The following CACNB3 variants were observed in gnomAD, a reference collection of about 807,000 sequenced individuals.
CACNB3 encodes voltage-dependent L-type calcium channel subunit beta-3.
CACNB3 carries 36 observed loss-of-function variants against 63.7 expected under a neutral mutation model. That is an observed-to-expected ratio of 0.57 (90% CI 0.43 to 0.75). The LOEUF is 0.75. Among genes scored for constraint, CACNB3 ranks in the 30% least tolerant of loss-of-function variants. CACNB3 has a pLI of 0.00. For missense variants in CACNB3, 493 were observed against 648.6 expected, an observed-to-expected ratio of 0.76 and a Z score of 2.61; for synonymous variants, 241 against 250.6, an observed-to-expected ratio of 0.96 and a Z score of 0.36.
At position 48,828,098 on chromosome 12, in the gene CACNB3, A is replaced by AC. The variant is rs565271457; in HGVS notation, c.*203dup. On this transcript the variant is annotated 3_prime_UTR_variant, in exon 13 of 13. Coordinates refer to ENST00000301050, the MANE Select transcript of CACNB3 (RefSeq NM_000725.4). Reference sequence around the variant, plus strand: ...GGACCCCCTCACCTCCTGGGCAGTGACCCCTACTAGGCTCCCATTCCAGGT... The same window carrying AC: ...GGACCCCCTCACCTCCTGGGCAGTGACCCCCTACTAGGCTCCCATTCCAGGT... 74 of 601,404 alleles carry AC rather than the reference A, an allele frequency of 1.2e-4. No individual in the cohort carries two copies. The highest frequency in any genetic ancestry group is 1.2e-3 in the African/African-American group (65 of 53,928). The allele number at this position is 601,404 out of a possible 1,614,324, so 37.3% of individuals were successfully genotyped here. A position where few individuals can be genotyped will look rare whatever the true frequency, so the allele number is the denominator to read the frequency against.
At position 48,824,303 on chromosome 12, in the gene CACNB3, G is replaced by C; in HGVS notation, c.337G>C (p.Gly113Arg). ...GATCGGGCGGCTAGTGAAAGAGGGC[G>C]GGGACATCGCCTTCATCCCCAGCCC... is the stretch of plus-strand genomic sequence containing the variant. ...WWIGRLVKEG[G>R]DIAFIPSPQR... The change falls in exon 4 of 13, where the codon GGG becomes CGG. Residue 113 changes from glycine (G) to arginine (R), a missense_variant. Gly to Arg is a moderately radical substitution (Grantham distance 125). Transcript: ENST00000301050. The C allele has an allele frequency of 6.2e-7, 1 of 1,613,260 alleles. No homozygotes were observed. The highest frequency in any genetic ancestry group is 8.5e-7 in the Non-Finnish European group (1 of 1,179,798).
At chr12:48,818,154 C>T (rs1427723807), upstream of CACNB3, among the ~76,000 whole-genome samples, 1 of 152,182 alleles carries the variant, frequency 6.6e-6, no homozygotes, top group South Asian at 2.1e-4. The surrounding 1 kb of genome is among the most constrained non-coding windows in gnomAD (Gnocchi z 4.3). Flanking sequence ...GCTTTCGGAG[C>T]CTCCGGGACG....
At chr12:48,824,210 G>A (rs372401583) in intron 3 of CACNB3, 48 bp from the exon 4 acceptor site, 9 of 1,475,288 alleles carry the variant, frequency 6.1e-6, no homozygotes, top group East Asian at 4.7e-5. Flanking sequence ...GCCAGGACTG[G>A]GGCGGGGCGC....
rs1207142762 is a variant in CACNB3 at position 48,823,373 on chromosome 12, A to G, written c.75A>G (p.Pro25=). ...AGSADSYTSR[P]SLDSDVSLEE... ...CAGCCGACTCCTACACCAGCCGCCCATCTCTGGACTCAGACGTCTCCCTGG... is the reference window on the plus strand; with the variant it reads ...CAGCCGACTCCTACACCAGCCGCCCGTCTCTGGACTCAGACGTCTCCCTGG... The change falls in exon 2 of 13, where the codon CCA becomes CCG. Residue 25 remains proline (P), a synonymous_variant. Coordinates refer to ENST00000301050, the MANE Select transcript of CACNB3 (RefSeq NM_000725.4). The surrounding 1 kb of genome is among the most constrained non-coding windows in gnomAD (Gnocchi z 4.2). The G allele has an allele frequency of 1.2e-6, 2 of 1,614,092 alleles. No homozygotes were observed. Among genetic ancestry groups the G allele is most frequent in the Non-Finnish European group, 8.5e-7 (1 of 1,179,974 alleles).
At chr12:48,820,013 G>A in intron 1 of CACNB3, 1 of 200,194 alleles carries the variant, frequency 5.0e-6, no homozygotes, top group Non-Finnish European at 1.0e-5. Context: ...GAGCACCCCT[G>A]GGTCGGAAAG....
At position 48,826,152 on chromosome 12, in the gene CACNB3, C is replaced by T. The variant is rs1592192274; in HGVS notation, c.743-215C>T. The T allele has an allele frequency of 1.7e-6, 1 of 593,934 alleles. No individual in the cohort carries two copies. Among genetic ancestry groups the T allele is most frequent in the Non-Finnish European group, 3.0e-6 (1 of 334,048 alleles). The allele number at this position is 593,934 out of a possible 1,614,324, so 36.8% of individuals were successfully genotyped here. A position where few individuals can be genotyped will look rare whatever the true frequency, so the allele number is the denominator to read the frequency against. On this transcript the variant is annotated intron_variant, in intron 9 of 12. Transcript: ENST00000301050. The surrounding 1 kb of genome is among the most constrained non-coding windows in gnomAD (Gnocchi z 4.8). ...CCCCTCTTCCCTTTTCTCTTCCTTA[C>T]CTCCTTGTCTTTCTGCCCAACTCCT...
chr12:48,825,375 G>A lies in CACNB3; in HGVS notation c.574-59G>A. 6.3e-7 allele frequency: 1 copy of A among 1,597,748 alleles called. No individual in the cohort carries two copies. The highest frequency in any genetic ancestry group is 8.6e-7 in the Non-Finnish European group (1 of 1,165,202). ...TGGAGCGCATTGACTCTGGGGCCATGCATGGGGAGGCTGCTTCTCTCCAAA... is the reference window on the plus strand; with the variant it reads ...TGGAGCGCATTGACTCTGGGGCCATACATGGGGAGGCTGCTTCTCTCCAAA... On this transcript the variant is annotated intron_variant, in intron 7 of 12. Transcript: ENST00000301050. The surrounding 1 kb of genome is among the most constrained non-coding windows in gnomAD (Gnocchi z 4.5).
At chr12:48,818,379 C>G, upstream of CACNB3, 3 of 898,586 alleles carry the variant, frequency 3.3e-6, no homozygotes, top group Non-Finnish European at 4.0e-6. This position sits in a 1 kb window ranked among gnomAD's most constrained non-coding sequence, Gnocchi z 4.3. Context: ...CCCTCCCCCG[C>G]CGCAGCCCTT....
At chr12:48,814,646 T>G, upstream of CACNB3, 2 of 1,296,776 alleles carry the variant, frequency 1.5e-6, no homozygotes, top group Non-Finnish European at 2.1e-6. The surrounding 1 kb of genome is among the most constrained non-coding windows in gnomAD (Gnocchi z 6.9). Flanking sequence ...GGTCTCCTAC[T>G]GGGGGTCTCG....
At position 48,824,254 on chromosome 12, in the gene CACNB3, C is replaced by G; in HGVS notation, c.292-4C>G. The G allele has an allele frequency of 6.2e-7, 1 of 1,609,752 alleles. No individual in the cohort carries two copies. Among genetic ancestry groups the G allele is most frequent in the South Asian group, 1.1e-5 (1 of 90,096 alleles). On this transcript the variant is annotated splice_polypyrimidine_tract_variant and splice_region_variant and intron_variant, in intron 3 of 12. Coordinates refer to ENST00000301050, the MANE Select transcript of CACNB3 (RefSeq NM_000725.4). ...CCACCCCTTCCTGCTCCACCTGCCCCCAGAAGTACAGCAATGACTGGTGGA... is the reference window on the plus strand; with the variant it reads ...CCACCCCTTCCTGCTCCACCTGCCCGCAGAAGTACAGCAATGACTGGTGGA...
rs1160717890 is a variant in CACNB3 at position 48,819,676 on chromosome 12, C to G, written c.45+702C>G. 4 of 455,754 alleles carry G rather than the reference C, an allele frequency of 8.8e-6. No individual in the cohort carries two copies. The East Asian group carries it at 2.8e-4, about 32-fold the overall frequency. 28.2% of individuals were successfully genotyped at this position (455,754 alleles called of 1,614,324 possible). ...TCCTCTGCAGCGGGCATCCTGAGCT[C>G]TTGCCCAGCATGGAGGGCCTGGAGG... is the stretch of plus-strand genomic sequence containing the variant. On this transcript the variant is annotated intron_variant, in intron 1 of 12. Coordinates refer to ENST00000301050, the MANE Select transcript of CACNB3 (RefSeq NM_000725.4).
intron 1 of CACNB3, among the ~76,000 whole-genome samples, chr12:48,822,987 G>C (rs1937932429): frequency 6.6e-6 from 1 of 152,202 alleles, no homozygotes; most frequent in Admixed American, 6.5e-5. Context: ...CCTGGATCCA[G>C]AATCATCTCT....
chr12:48,827,784 T>G lies in CACNB3; in HGVS notation c.1340T>G (p.Leu447Arg). Residue 447 changes from leucine to arginine, a missense_variant, in exon 13 of 13, where the codon CTG becomes CGG. By Grantham distance (102) the Leu-to-Arg change is moderately radical. Coordinates refer to ENST00000301050, the MANE Select transcript of CACNB3 (RefSeq NM_000725.4). Reference sequence around the variant, plus strand: ...CCTCACCGCCAACACACCTCGGGGCTGCCTAGTGCTAACGGGCATGACCCC... The same window carrying G: ...CCTCACCGCCAACACACCTCGGGGCGGCCTAGTGCTAACGGGCATGACCCC... ...YQPHRQHTSG[L>R]PSANGHDPQD... 6.2e-7 allele frequency: 1 copy of G among 1,614,168 alleles called. No homozygotes were observed. Among genetic ancestry groups the G allele is most frequent in the East Asian group, 2.2e-5 (1 of 44,880 alleles).
chr12:48,815,373 G>C, upstream of CACNB3: 1 of 447,190 alleles, frequency 2.2e-6, no homozygotes, highest in South Asian at 2.5e-5. Flanking sequence ...TGGAAGGACA[G>C]TGGGAGGCAC....
chr12:48,815,833 C>T, upstream of CACNB3: 1 of 798,986 alleles, frequency 1.3e-6, no homozygotes, highest in African/African-American at 1.7e-5. Context: ...GGGGAGACTG[C>T]ACCGATGGGG....
At position 48,828,681 on chromosome 12, in the gene CACNB3, G is replaced by T. The variant is rs1390123239; in HGVS notation, c.*782G>T. The stretch of plus-strand genomic sequence containing the variant: ...GCAGAGAACTTAGGGGGGCCTCCTT[G>T]CCTTTCTCATTCTTTTGCCCTGCAT... On this transcript the variant is annotated 3_prime_UTR_variant, in exon 13 of 13. Transcript: ENST00000301050. 6.6e-6 allele frequency: 3 copies of T among 456,368 alleles called. No homozygotes were observed. The highest frequency in any genetic ancestry group is 1.3e-5 in the Non-Finnish European group (3 of 226,792). The allele number at this position is 456,368 out of a possible 1,614,324, so 28.3% of individuals were successfully genotyped here. A position where few individuals can be genotyped will look rare whatever the true frequency, so the allele number is the denominator to read the frequency against.
At position 48,828,221 on chromosome 12, in the gene CACNB3, G is replaced by A. The variant is rs1565672464; in HGVS notation, c.*322G>A. On this transcript the variant is annotated 3_prime_UTR_variant, in exon 13 of 13. Coordinates refer to ENST00000301050, the MANE Select transcript of CACNB3 (RefSeq NM_000725.4). Reference sequence around the variant, plus strand: ...CCTCAGGCCAGGATCCCCTTAGCAGGGTCCTTCCCACCAGACTCAGGGAAG... The same window carrying A: ...CCTCAGGCCAGGATCCCCTTAGCAGAGTCCTTCCCACCAGACTCAGGGAAG... 2.4e-6 allele frequency: 1 copy of A among 415,738 alleles called. No homozygotes were observed. Among genetic ancestry groups the A allele is most frequent in the South Asian group, 2.7e-5 (1 of 37,334 alleles). The allele number at this position is 415,738 out of a possible 1,614,324, so 25.8% of individuals were successfully genotyped here.
At chr12:48,819,816 A>G in intron 1 of CACNB3, 1 of 356,314 alleles carries the variant, frequency 2.8e-6, no homozygotes, top group South Asian at 2.0e-5. Flanking sequence ...ACCCACTGAG[A>G]CAAATCAGCT....
intron 1 of CACNB3, chr12:48,819,747 T>C (rs1454711252): frequency 4.6e-6 from 2 of 434,454 alleles, no homozygotes; most frequent in Non-Finnish European, 4.6e-6. Context: ...GGAAGCGCTT[T>C]GCTCAGAGAA....
Sources: gnomAD v4.1 joint callset for allele counts (sites outside exome capture counted in the v4.1 genomes callset) on GRCh38, gnomAD v4.1.1 for gene constraint, Gnocchi (gnomAD v3.1) non-coding constraint, MANE v1.5 for transcripts, NCBI Gene and HGNC (gene_info 2026-07-23, HGNC 2026-07-21) for gene names.